The following POLG2 variants were observed in gnomAD, a reference collection of about 807,000 sequenced individuals.
The protein encoded by POLG2 is DNA polymerase gamma 2, accessory subunit, also known as DNA polymerase subunit gamma-2.
In POLG2, 50 loss-of-function variants were observed where a neutral mutation model predicts 56.5. The ratio of observed to expected loss-of-function variants is 0.88; its 90% confidence interval spans 0.71 to 1.12. POLG2 has a LOEUF of 1.12. Ranked by LOEUF, POLG2 falls within the 50% of genes most tolerant of loss-of-function variation. POLG2 has a pLI of 0.00. For missense variants in POLG2, 584 were observed against 583.3 expected, an observed-to-expected ratio of 1.00 and a Z score of -0.01; for synonymous variants, 226 against 222.6, an observed-to-expected ratio of 1.02 and a Z score of -0.14.
Position 64,496,989 on chromosome 17 carries a change from C to T in POLG2, c.-21G>A. 6.3e-7 allele frequency: 1 copy of T among 1,592,660 alleles called. No homozygotes were observed. Among genetic ancestry groups the T allele is most frequent in the South Asian group, 1.1e-5 (1 of 90,910 alleles). ...CGCATCTCTCTCCGAAGTTAAAGAGCACACTCTCCCATCACTCAACGGATC... is the reference window on the plus strand; with the variant it reads ...CGCATCTCTCTCCGAAGTTAAAGAGTACACTCTCCCATCACTCAACGGATC... On this transcript the variant is annotated 5_prime_UTR_variant, in exon 1 of 8. Transcript: ENST00000539111.
At chr17:64,482,076 A>C (rs2144137046) in intron 6 of POLG2, among the ~76,000 whole-genome samples, 2 of 144,888 alleles carry the variant, frequency 1.4e-5, no homozygotes, top group Non-Finnish European at 3.0e-5. Flanking sequence ...ACTTACCCAC[A>C]GTTCATTATT....
At chr17:64,493,480 T>A (rs549146226) in intron 1 of POLG2, among the ~76,000 whole-genome samples, 10 of 152,096 alleles carry the variant, frequency 6.6e-5, no homozygotes, top group African/African-American at 2.4e-4. Context: ...GAGTTTTTAG[T>A]TTGAAGATTT....
At position 64,496,134 on chromosome 17, in the gene POLG2, C is replaced by T. The variant is rs189050615; in HGVS notation, c.562+273G>A. On this transcript the variant is annotated intron_variant, in intron 1 of 7. Transcript: ENST00000539111. ...CCTTATGCACTTAGACTACATTGCA[C>T]TAAATGACAGCACTGTGTTCAGAAG... Among the ~76,000 whole-genome samples the T allele has an allele frequency of 6.9e-4, 105 of 152,304 alleles. 1 individual carries two copies. The highest frequency in any genetic ancestry group is 1.2e-3 in the Admixed American group (18 of 15,304).
chr17:64,483,523 A>AC (rs1314276073), intron 5 of POLG2, among the ~76,000 whole-genome samples: 2 of 151,286 alleles, frequency 1.3e-5, no homozygotes, highest in African/African-American at 4.9e-5. Flanking sequence ...CAAAAAAAAA[A>AC]AAAAACAAAT....
At chr17:64,478,843 G>C (rs1379727191) in intron 7 of POLG2, among the ~76,000 whole-genome samples, 1 of 152,056 alleles carries the variant, frequency 6.6e-6, no homozygotes, top group Admixed American at 6.6e-5. Flanking sequence ...GTTGCACTAA[G>C]CCGAGATCAC....
At chr17:64,478,759 T>C (rs1250199922) in intron 7 of POLG2, among the ~76,000 whole-genome samples, 1 of 151,830 alleles carries the variant, frequency 6.6e-6, no homozygotes, top group Non-Finnish European at 1.5e-5. Flanking sequence ...TAGCTGGGCG[T>C]GGTGGCAGGC....
intron 1 of POLG2, among the ~76,000 whole-genome samples, chr17:64,493,864 G>T (rs950306488): frequency 1.3e-5 from 2 of 152,046 alleles, no homozygotes; most frequent in Non-Finnish European, 2.9e-5. Context: ...CCTTTACCTA[G>T]ATTCATCAAT....
chr17:64,492,214 G>A (rs1231950587), intron 3 of POLG2, among the ~76,000 whole-genome samples: 1 of 152,152 alleles, frequency 6.6e-6, no homozygotes, highest in Non-Finnish European at 1.5e-5. Context: ...ATTTGGGGAT[G>A]TTTGAGTCGG....
chr17:64,482,795 G>A, intron 6 of POLG2, 124 bp downstream of exon 6: 1 of 666,212 alleles, frequency 1.5e-6, no homozygotes, highest in South Asian at 1.6e-5. Flanking sequence ...TAAGATTTTG[G>A]ATTTTTGGAT....
rs1338442059 is a variant in POLG2, at chr17:64,492,592, G to A, written c.795+75C>T. 1.1e-5 allele frequency: 9 copies of A among 808,228 alleles called. No individual in the cohort carries two copies. In the Admixed American group the frequency reaches 1.8e-4, roughly 16 times the overall value. The allele number at this position is 808,228 out of a possible 1,614,324, so 50.1% of individuals were successfully genotyped here. On this transcript the variant is annotated intron_variant, in intron 3 of 7. Coordinates refer to ENST00000539111, the MANE Select transcript of POLG2 (RefSeq NM_007215.4). The stretch of plus-strand genomic sequence containing the variant: ...ATACATCAAATATAATTTCTTGTAT[G>A]TCAGAAGAATTACCACTGACACATT...
rs1475694456 is a variant in POLG2 at position 64,492,663 on chromosome 17, G to A, written c.795+4C>T. 3 of 1,549,444 alleles carry A rather than the reference G, an allele frequency of 1.9e-6. No homozygotes were observed. Among genetic ancestry groups the A allele is most frequent in the Non-Finnish European group, 2.7e-6 (3 of 1,122,938 alleles). ...TATTAAATTAAAGGTAATTATTGCA[G>A]TACCTTTCTCCACCACTGGAGTCGA... is the stretch of plus-strand genomic sequence containing the variant. On this transcript the variant is annotated splice_donor_region_variant and intron_variant, in intron 3 of 7. Coordinates refer to ENST00000539111, the MANE Select transcript of POLG2 (RefSeq NM_007215.4).
At chr17:64,490,331 G>A (rs2038036021) in intron 4 of POLG2, 1 of 178,676 alleles carries the variant, frequency 5.6e-6, no homozygotes, top group Middle Eastern at 2.7e-3. Context: ...CTCCTCATAT[G>A]ACACACTGAG....
chr17:64,486,000 T>A (rs964546083), intron 4 of POLG2, 132 bp from the exon 5 acceptor site: 6 of 777,630 alleles, frequency 7.7e-6, no homozygotes, highest in Non-Finnish European at 1.3e-5. Flanking sequence ...CCCTGCAACC[T>A]CTGCCTCCCA....
chr17:64,491,992 A>G (rs2038069508), intron 3 of POLG2, among the ~76,000 whole-genome samples: 1 of 152,160 alleles, frequency 6.6e-6, no homozygotes, highest in South Asian at 2.1e-4. Flanking sequence ...AAAAGTGAAA[A>G]TACTGAGTAT....
chr17:64,497,050 G>A lies in POLG2; in HGVS notation c.-82C>T, dbSNP rs553575891. 6.4e-6 allele frequency: 9 copies of A among 1,401,432 alleles called. No individual in the cohort carries two copies. In the East Asian group the frequency reaches 6.9e-5, roughly 11 times the overall value. 86.8% of individuals were successfully genotyped at this position (1,401,432 alleles called of 1,614,324 possible). A position where few individuals can be genotyped will look rare whatever the true frequency, so the allele number is the denominator to read the frequency against. On this transcript the variant is annotated 5_prime_UTR_variant, in exon 1 of 8. Coordinates refer to ENST00000539111, the MANE Select transcript of POLG2 (RefSeq NM_007215.4). ...ACCACTACCGTTAACAGAATCCGGA[G>A]AGGCCACGGCGCAGGCGCAACGGAG... is the stretch of plus-strand genomic sequence containing the variant.
chr17:64,492,223 G>A (rs555624576), intron 3 of POLG2, among the ~76,000 whole-genome samples: 4 of 152,252 alleles, frequency 2.6e-5, no homozygotes, highest in African/African-American at 4.8e-5. Flanking sequence ...TGTTTGAGTC[G>A]GGAAATGGTA....
In POLG2 at chr17:64,492,715, G is replaced by T. The variant is rs1568090386; in HGVS notation, c.747C>A (p.Asn249Lys). 1 of 1,613,272 alleles carries T rather than the reference G, an allele frequency of 6.2e-7. No homozygotes were observed. Among genetic ancestry groups the T allele is most frequent in the Non-Finnish European group, 8.5e-7 (1 of 1,179,648 alleles). ...LVWFTPPRTS[N>K]QWLDFWLRHR... ...GACGTAACCAGAAATCAAGCCACTGGTTTGAAGTTCTCGGAGGAGTAAACC... is the reference window on the plus strand; with the variant it reads ...GACGTAACCAGAAATCAAGCCACTGTTTTGAAGTTCTCGGAGGAGTAAACC... The change falls in exon 3 of 8, where the codon AAC (asparagine) becomes AAA (lysine). Residue 249 changes from asparagine (N) to lysine (K), a missense_variant. By Grantham distance (94) the Asn-to-Lys change is moderately conservative. Transcript: ENST00000539111.
At position 64,496,585 on chromosome 17, in the gene POLG2, C is replaced by T. The variant is rs782593556; in HGVS notation, c.384G>A (p.Val128=). 1 of 1,613,636 alleles carries T rather than the reference C, an allele frequency of 6.2e-7. No homozygotes were observed. ...GGCCTGGTTTGTGGTGGAGGGCGTC[C>T]ACCGGGAATACCTGCTCCCTGAACA... The part of the protein sequence containing the change: ...VVVFREQVFP[V]DALHHKPGPL... Residue 128 remains valine, a synonymous_variant, in exon 1 of 8, where the codon GTG becomes GTA. Transcript: ENST00000539111.
At chr17:64,481,596 C>T (rs1282189518) in intron 6 of POLG2, 4 of 210,212 alleles carry the variant, frequency 1.9e-5, no homozygotes, top group African/African-American at 4.7e-5. Flanking sequence ...GGAAAGGCTG[C>T]GCACGGTGGC....
Sources: allele counts gnomAD v4.1 joint callset (sites outside exome capture counted in the v4.1 genomes callset), GRCh38; gene constraint gnomAD v4.1.1; transcripts MANE v1.5; gene names NCBI Gene and HGNC (gene_info 2026-07-23, HGNC 2026-07-21).